Variants in LRBA observed in about 807,000 individuals in gnomAD.
LRBA encodes LPS responsive beige-like anchor protein.
LRBA carries 176 observed loss-of-function variants against 330.0 expected under a neutral mutation model. The observed-to-expected ratio is 0.53, with a 90% CI of 0.47 to 0.60. The LOEUF is 0.60. Among genes scored for constraint, LRBA ranks in the 20% least tolerant of loss-of-function variants. The pLI is 0.00. For synonymous variants in LRBA, 1,230 were observed against 1,193.0 expected (o/e 1.03, Z -0.64); for missense variants, 3,259 against 3,444.8 (o/e 0.95, Z 1.35).
chr4:150,536,789 T>G (rs1364437506), intron 40 of LRBA, among the ~76,000 whole-genome samples: 1 of 152,112 alleles, frequency 6.6e-6, no homozygotes, highest in Non-Finnish European at 1.5e-5. Context: ...GTGAAAGGTC[T>G]CCACAAAGAG....
At chr4:150,297,185 C>T (rs866961036) in intron 53 of LRBA, among the ~76,000 whole-genome samples, 6 of 152,216 alleles carry the variant, frequency 3.9e-5, no homozygotes, top group Admixed American at 2.0e-4. Context: ...ATGGTACAGT[C>T]ATTTTTCTCT....
rs562360147 is a variant in LRBA at position 150,711,841 on chromosome 4, A to C, written c.5754+23417T>G. On this transcript the variant is annotated intron_variant, in intron 36 of 56. Transcript: ENST00000651943. ...AAAAATTATTTGTGCAATGTAAAAA[A>C]TACAGGAACAGAGGCAATAATATCA... is the stretch of plus-strand genomic sequence containing the variant. Among the ~76,000 whole-genome samples, 6 of 152,350 alleles carry C rather than the reference A, an allele frequency of 3.9e-5. No individual in the cohort carries two copies. The East Asian group carries it at 1.2e-3, about 29-fold the overall frequency.
At chr4:150,422,135 G>C (rs1748890745) in intron 46 of LRBA, among the ~76,000 whole-genome samples, 1 of 152,120 alleles carries the variant, frequency 6.6e-6, no homozygotes, top group African/African-American at 2.4e-5. Context: ...CATGGCATAT[G>C]TCTGTAGTCC....
At chr4:150,413,222 T>C (rs1026899166) in intron 47 of LRBA, among the ~76,000 whole-genome samples, 5 of 152,004 alleles carry the variant, frequency 3.3e-5, no homozygotes, top group Non-Finnish European at 7.4e-5. Flanking sequence ...TTGTTAAGGA[T>C]AGGGAAAAAC....
Position 150,424,629 on chromosome 4 carries a change from G to GCACA in LRBA, c.7042-9043_7042-9040dup, listed in dbSNP as rs368621265. 3.9e-3 allele frequency among the ~76,000 whole-genome samples: 587 copies of GCACA among 150,198 alleles called. 5 individuals are homozygous for GCACA. The highest frequency in any genetic ancestry group is 8.8e-3 in the African/African-American group (360 of 41,098). Reference sequence around the variant, plus strand: ...GGAGCACGTGCGCGCGTGCACACACGCACACACACACACACACACAGAGTC... The same window carrying GCACA: ...GGAGCACGTGCGCGCGTGCACACACGCACACACACACACACACACACACAGAGTC... On this transcript the variant is annotated intron_variant, in intron 46 of 56. Coordinates refer to ENST00000651943, the MANE Select transcript of LRBA (RefSeq NM_001364905.1).
At chr4:150,911,930 T>G (rs1444271711) in intron 9 of LRBA, among the ~76,000 whole-genome samples, 2 of 152,196 alleles carry the variant, frequency 1.3e-5, no homozygotes, top group Admixed American at 6.5e-5. Context: ...GTAGGATGTA[T>G]ATTTCTAGAA....
At chr4:150,798,443 C>A (rs918657596) in intron 33 of LRBA, among the ~76,000 whole-genome samples, 2 of 152,062 alleles carry the variant, frequency 1.3e-5, no homozygotes, top group African/African-American at 4.8e-5. Flanking sequence ...TGATCAATAT[C>A]ATCTACATTT....
intron 55 of LRBA, among the ~76,000 whole-genome samples, chr4:150,278,925 A>G (rs538312529): frequency 6.6e-6 from 1 of 152,058 alleles, no homozygotes; most frequent in Admixed American, 6.5e-5. Context: ...CTCAGGTTCA[A>G]GTGATTCTCA....
rs1005962123 is a variant in LRBA at position 150,530,268 on chromosome 4, G to GA, written c.6331-39234dup. Among the ~76,000 whole-genome samples, 259 of 150,446 alleles carry GA rather than the reference G, an allele frequency of 1.7e-3. 2 individuals carry two copies. Among genetic ancestry groups the GA allele is most frequent in the Middle Eastern group, 0.014 (4 of 294 alleles). On this transcript the variant is annotated intron_variant, in intron 40 of 56. Coordinates refer to ENST00000651943, the MANE Select transcript of LRBA (RefSeq NM_001364905.1). ...TGCTAAGGAAGCAGAAAAGTATAGA[G>GA]AAAAAAAAAGTGATCTAGGAAAAGA... is the stretch of plus-strand genomic sequence containing the variant.
chr4:150,847,127 A>C (rs924364089), intron 26 of LRBA, among the ~76,000 whole-genome samples: 67 of 152,202 alleles, frequency 4.4e-4, no homozygotes, highest in African/African-American at 1.6e-3. Flanking sequence ...ACAAAAGTAT[A>C]GTATTCAAAT....
intron 13 of LRBA, among the ~76,000 whole-genome samples, chr4:150,901,318 T>A (rs751647841): frequency 2.6e-5 from 4 of 151,790 alleles, no homozygotes; most frequent in Non-Finnish European, 5.9e-5. Context: ...TTTTTTTCAG[T>A]GAAATTATGG....
intron 2 of LRBA, among the ~76,000 whole-genome samples, chr4:151,003,201 C>T (rs1743594742): frequency 6.6e-6 from 1 of 151,786 alleles, no homozygotes; most frequent in African/African-American, 2.4e-5. Flanking sequence ...TTCAGATCAG[C>T]CTAGCCAACA....
chr4:150,811,505 T>C (rs1743728943), intron 31 of LRBA, among the ~76,000 whole-genome samples: 1 of 152,050 alleles, frequency 6.6e-6, no homozygotes, highest in South Asian at 2.1e-4. Context: ...ATTGGGTTTT[T>C]TGTTTTTTGT....
chr4:150,792,028 C>CAAAAAAAAAAAAAAAAAAAAAAAAAAAA, intron 34 of LRBA, among the ~76,000 whole-genome samples: 1 of 46,328 alleles, frequency 2.2e-5, no homozygotes, highest in Non-Finnish European at 3.6e-5. Context: ...GGCTCCATCT[C>CAAAAAAAAAAAAAAAAAAAAAAAAAAAA]AAAAAAAAAA....
At chr4:150,650,933 A>G (rs1183546067) in intron 37 of LRBA, among the ~76,000 whole-genome samples, 2 of 152,178 alleles carry the variant, frequency 1.3e-5, no homozygotes, top group African/African-American at 4.8e-5. Flanking sequence ...AATGGGATTA[A>G]CTAATCCTCA....
chr4:150,657,098 G>C (rs1227395756), intron 37 of LRBA, among the ~76,000 whole-genome samples: 1 of 152,150 alleles, frequency 6.6e-6, no homozygotes, highest in East Asian at 1.9e-4. Context: ...AGCACAGAAG[G>C]GGGAAGTACA....
At chr4:150,981,888 G>A (rs1052628570) in intron 2 of LRBA, among the ~76,000 whole-genome samples, 5 of 151,470 alleles carry the variant, frequency 3.3e-5, no homozygotes, top group Admixed American at 6.6e-5. Context: ...GTGTGAACCC[G>A]GGAGGCGGAG....
chr4:150,575,292 A>G (rs1263149041), intron 40 of LRBA, among the ~76,000 whole-genome samples: 1 of 151,970 alleles, frequency 6.6e-6, no homozygotes, highest in Non-Finnish European at 1.5e-5. Context: ...TTGTTTAACC[A>G]CTACAAGCAA....
At chr4:150,653,385 A>G (rs1241004596) in intron 37 of LRBA, among the ~76,000 whole-genome samples, 1 of 152,180 alleles carries the variant, frequency 6.6e-6, no homozygotes, top group African/African-American at 2.4e-5. Flanking sequence ...GCTTTAATCT[A>G]TTATACTTTC....
Sources: gnomAD v4.1 joint callset for allele counts (sites outside exome capture counted in the v4.1 genomes callset) on GRCh38, gnomAD v4.1.1 for gene constraint, MANE v1.5 for transcripts, NCBI Gene and HGNC (gene_info 2026-07-23, HGNC 2026-07-21) for gene names.